Variants in DNMT3B observed in about 807,000 individuals in gnomAD.
DNMT3B encodes DNA (cytosine-5)-methyltransferase 3B.
In DNMT3B, 37 loss-of-function variants were observed where a neutral mutation model predicts 120.2. That is an observed-to-expected ratio of 0.31 (90% CI 0.24 to 0.40). The LOEUF (loss-of-function observed/expected upper bound fraction) is 0.40, where lower values mean the gene tolerates loss of function less well. Among genes scored for constraint, DNMT3B ranks in the 10% least tolerant of loss-of-function variants. DNMT3B has a pLI of 1.00. For missense variants in DNMT3B, 878 were observed against 1,137.3 expected, an observed-to-expected ratio of 0.77 and a Z score of 3.28; for synonymous variants, 412 against 442.8, an observed-to-expected ratio of 0.93 and a Z score of 0.87.
chr20:32,805,517 T>C, intron 21 of DNMT3B, 110 bp downstream of exon 21: 1 of 1,268,600 alleles, frequency 7.9e-7, no homozygotes, highest in Non-Finnish European at 1.1e-6. Flanking sequence ...CCACGTGACT[T>C]CCTGGTGTTG....
At chr20:32,764,128 T>C (rs1987152817) in intron 1 of DNMT3B, among the ~76,000 whole-genome samples, 1 of 152,150 alleles carries the variant, frequency 6.6e-6, no homozygotes, top group Admixed American at 6.5e-5. Flanking sequence ...CTAAGCAAGC[T>C]TCCTTCCTTA....
At chr20:32,772,839 A>T (rs1377914740) in intron 1 of DNMT3B, among the ~76,000 whole-genome samples, 1 of 148,602 alleles carries the variant, frequency 6.7e-6, no homozygotes, top group East Asian at 2.0e-4. Context: ...CAGTCTGCAG[A>T]TAGCCACTTG....
chr20:32,799,752 A>G (rs944563210), intron 16 of DNMT3B, among the ~76,000 whole-genome samples: 4 of 152,308 alleles, frequency 2.6e-5, no homozygotes, highest in African/African-American at 7.2e-5. Context: ...TCCTGACCTC[A>G]AGTGATCTGC....
intron 21 of DNMT3B, 48 bp downstream of exon 21, chr20:32,805,455 A>G: frequency 1.2e-6 from 2 of 1,611,338 alleles, no homozygotes; most frequent in Non-Finnish European, 1.7e-6. Flanking sequence ...GTGACCTCCA[A>G]GTGGGGACTT....
rs763323430 is a variant in DNMT3B at position 32,787,351 on chromosome 20, G to A, written c.554G>A (p.Ser185Asn). The A allele has an allele frequency of 6.2e-7, 1 of 1,614,228 alleles. No homozygotes were observed. Among genetic ancestry groups the A allele is most frequent in the South Asian group, 1.1e-5 (1 of 91,088 alleles). The change falls in exon 6 of 23, where the codon AGT becomes AAT. Residue 185 changes from serine to asparagine, a missense_variant. Physicochemically the swap from Ser to Asn is conservative, Grantham distance 46. Coordinates refer to ENST00000328111, the MANE Select transcript of DNMT3B (RefSeq NM_006892.4). Reference protein sequence around the residue: ...EDTHGTPQSSSTPYARLAQDS... With the variant: ...EDTHGTPQSSNTPYARLAQDS... ...ACACATGGGACGCCCCAGAGCAGCA[G>A]TACCCCCTACGCCCGCCTAGCCCAG...
Position 32,780,454 on chromosome 20 carries a change from C to T in DNMT3B, c.131C>T (p.Pro44Leu), listed in dbSNP as rs781313570. ...SPPILEAIRT[P>L]EIRGRRSSSR... ...CCAATCCTGGAGGCTATCCGCACCC[C>T]GGAGATCAGAGGTGGCTGGGCAGTG... The change falls in exon 2 of 23, where the codon CCG (proline) becomes CTG (leucine). Residue 44 changes from proline to leucine, a missense_variant. Physicochemically the swap from Pro to Leu is moderately conservative, Grantham distance 98 (BLOSUM62 -3). Coordinates refer to ENST00000328111, the MANE Select transcript of DNMT3B (RefSeq NM_006892.4). 5.6e-6 allele frequency: 9 copies of T among 1,612,968 alleles called. No homozygotes were observed. The East Asian group carries it at 6.7e-5, about 12-fold the overall frequency.
intron 1 of DNMT3B, among the ~76,000 whole-genome samples, chr20:32,764,870 G>T (rs946136775): frequency 2.6e-5 from 4 of 152,168 alleles, no homozygotes; most frequent in African/African-American, 9.7e-5. Context: ...CAAGGGAGGT[G>T]GGGTTGAGAG....
chr20:32,774,557 T>A lies in DNMT3B; in HGVS notation c.-6-5761T>A, dbSNP rs528217729. Among the ~76,000 whole-genome samples, 4 of 149,202 alleles carry A rather than the reference T, an allele frequency of 2.7e-5. No individual in the cohort carries two copies. The South Asian group carries it at 8.7e-4, about 32-fold the overall frequency. ...GATTCAAGAAGTACATGTGCTTGTTTGTTGCATGGGTTTATTACTTACTGG... is the reference window on the plus strand; with the variant it reads ...GATTCAAGAAGTACATGTGCTTGTTAGTTGCATGGGTTTATTACTTACTGG... On this transcript the variant is annotated intron_variant, in intron 1 of 22. Transcript: ENST00000328111.
rs201455430 is a variant in DNMT3B at position 32,780,337 on chromosome 20, C to T, written c.14C>T (p.Thr5Ile). Reference protein sequence around the residue: MKGDTRHLNGEEDAG... With the variant: MKGDIRHLNGEEDAG... ...CCACAGGAAAGCATGAAGGGAGACACCAGGCATCTCAATGGAGAGGAGGAC... is the reference window on the plus strand; with the variant it reads ...CCACAGGAAAGCATGAAGGGAGACATCAGGCATCTCAATGGAGAGGAGGAC... The change falls in exon 2 of 23, where the codon ACC becomes ATC. Residue 5 changes from threonine to isoleucine, a missense_variant. Coordinates refer to ENST00000328111, the MANE Select transcript of DNMT3B (RefSeq NM_006892.4). The T allele has an allele frequency of 6.2e-7, 1 of 1,614,014 alleles. No individual in the cohort carries two copies. Among genetic ancestry groups the T allele is most frequent in the African/African-American group, 1.3e-5 (1 of 75,028 alleles).
intron 16 of DNMT3B, 148 bp from the exon 17 acceptor site, chr20:32,800,005 T>C: frequency 3.4e-6 from 4 of 1,179,562 alleles, no homozygotes; most frequent in South Asian, 2.5e-5. Flanking sequence ...ACAGCCAATA[T>C]GTGTGGTGCG....
intron 14 of DNMT3B, 36 bp from the exon 15 acceptor site, chr20:32,798,424 G>T: frequency 6.2e-7 from 1 of 1,613,492 alleles, no homozygotes. Flanking sequence ...GACCAGCTCT[G>T]ACAAAGGCAT....
At chr20:32,776,254 G>A (rs1473614753) in intron 1 of DNMT3B, among the ~76,000 whole-genome samples, 1 of 151,690 alleles carries the variant, frequency 6.6e-6, no homozygotes, top group South Asian at 2.1e-4. Context: ...AAAATCCATG[G>A]TGGTAGACAG....
chr20:32,780,605 G>A, intron 2 of DNMT3B, 140 bp downstream of exon 2: 1 of 1,392,866 alleles, frequency 7.2e-7, no homozygotes, highest in Admixed American at 2.1e-5. Flanking sequence ...TAGCAAGGAG[G>A]GATGCAGGGT....
intron 10 of DNMT3B, among the ~76,000 whole-genome samples, chr20:32,794,961 T>A (rs775463879): frequency 6.6e-6 from 1 of 152,204 alleles, no homozygotes; most frequent in Non-Finnish European, 1.5e-5. Context: ...CAGACTCATA[T>A]GTCTAGGCTA....
chr20:32,778,184 A>C (rs1485911537), intron 1 of DNMT3B, among the ~76,000 whole-genome samples: 2 of 151,994 alleles, frequency 1.3e-5, no homozygotes, highest in African/African-American at 2.4e-5. Context: ...AAAAATACAA[A>C]AATCAGCTGG....
At chr20:32,795,048 G>A (rs1021248538) in intron 10 of DNMT3B, among the ~76,000 whole-genome samples, 1 of 152,196 alleles carries the variant, frequency 6.6e-6, no homozygotes, top group African/African-American at 2.4e-5. Context: ...TTCCTCAACA[G>A]TTTCAAGTTC....
intron 1 of DNMT3B, among the ~76,000 whole-genome samples, chr20:32,767,554 T>A (rs138448515): frequency 4.8e-4 from 73 of 152,114 alleles, no homozygotes; most frequent in African/African-American, 1.7e-3. Context: ...CACTTCAGTC[T>A]CCAAAGTAGC....
At chr20:32,763,794 G>A (rs537656872) in intron 1 of DNMT3B, among the ~76,000 whole-genome samples, 6 of 152,322 alleles carry the variant, frequency 3.9e-5, no homozygotes, top group African/African-American at 1.4e-4. Context: ...TAGGAGAGAG[G>A]CTCGCTGGGC....
intron 1 of DNMT3B, among the ~76,000 whole-genome samples, chr20:32,774,476 T>C (rs955433812): frequency 8.0e-5 from 12 of 149,076 alleles, no homozygotes; most frequent in African/African-American, 3.0e-4. Context: ...CCCAAAGTGC[T>C]GGGATTACAG....
Sources: allele counts gnomAD v4.1 joint callset (sites outside exome capture counted in the v4.1 genomes callset), GRCh38; gene constraint gnomAD v4.1.1; transcripts MANE v1.5; gene names NCBI Gene and HGNC (gene_info 2026-07-23, HGNC 2026-07-21).